The following ZNF429 variants were observed in gnomAD, a reference collection of about 807,000 sequenced individuals.
ZNF429 encodes the protein zinc finger protein 429.
ZNF429 carries 53 observed loss-of-function variants against 56.8 expected under a neutral mutation model. The ratio of observed to expected loss-of-function variants is 0.93; its 90% CI spans 0.75 to 1.17. ZNF429 has a LOEUF of 1.17. Among genes scored for constraint, ZNF429 ranks in the 50% most tolerant of loss-of-function variants. ZNF429 has a pLI of 0.00. For synonymous variants in ZNF429, 278 were observed against 264.7 expected, an observed-to-expected ratio of 1.05 and a Z score of -0.49; for missense variants, 849 against 788.4, an observed-to-expected ratio of 1.08 and a Z score of -0.92.
chr19:21,505,777 G>C lies in ZNF429; in HGVS notation c.3+3G>C, dbSNP rs201367777. 163 of 1,611,564 alleles carry C rather than the reference G, an allele frequency of 1.0e-4. No homozygotes were observed. In the African/African-American group the frequency reaches 2.1e-3, roughly 21 times the overall value. On this transcript the variant is annotated splice_donor_region_variant and intron_variant, in intron 1 of 3. Coordinates refer to ENST00000358491, the MANE Select transcript of ZNF429 (RefSeq NM_001001415.4). ...GACCCCCTGGAAGCCTAGAAATGGT[G>C]AGAGTGCCGAGTCTGACATCCCCAG...
intron 1 of ZNF429, among the ~76,000 whole-genome samples, chr19:21,526,262 T>C (rs1048338717): frequency 6.6e-6 from 1 of 152,122 alleles, no homozygotes; most frequent in Non-Finnish European, 1.5e-5. Context: ...ATTTGTGAGA[T>C]TTTCGTGCAC....
At chr19:21,512,825 G>A (rs2032563589) in intron 1 of ZNF429, among the ~76,000 whole-genome samples, 3 of 151,946 alleles carry the variant, frequency 2.0e-5, no homozygotes, top group Admixed American at 2.0e-4. Context: ...AATGTGCAGA[G>A]TCTATGTCTG....
chr19:21,529,972 T>A, intron 2 of ZNF429, among the ~76,000 whole-genome samples, 188 bp downstream of exon 2: 1 of 151,848 alleles, frequency 6.6e-6, no homozygotes, highest in Non-Finnish European at 1.5e-5. Context: ...CCAAGGCGGG[T>A]GGATCACGAG....
intron 1 of ZNF429, among the ~76,000 whole-genome samples, chr19:21,526,266 C>T (rs572270706): frequency 6.6e-6 from 1 of 151,738 alleles, no homozygotes; most frequent in East Asian, 1.9e-4. Context: ...GTGAGATTTT[C>T]GTGCACCCAT....
rs1469176808 is a variant in ZNF429, at chr19:21,539,375, CTT to C, written c.*1300_*1301del. Among the ~76,000 whole-genome samples the C allele has an allele frequency of 6.6e-6, 1 of 152,000 alleles. No individual in the cohort carries two copies. Among genetic ancestry groups the C allele is most frequent in the Admixed American group, 6.5e-5 (1 of 15,268 alleles). On this transcript the variant is annotated 3_prime_UTR_variant, in exon 4 of 4. Coordinates refer to ENST00000358491, the MANE Select transcript of ZNF429 (RefSeq NM_001001415.4). ...AAGTTGTTAAATTATTTGTATATAA[CTT>C]TTAAAAGAGTGGAAGATATTTTGCA...
Position 21,536,711 on chromosome 19 carries a change from A to G in ZNF429, c.658A>G (p.Lys220Glu), listed in dbSNP as rs1388559489. ...TCAGTCCTCAGCCCTTACTAACCAT[A>G]AGAGAATTTATGTTGGTGAGAAACA... ...FNQSSALTNH[K>E]RIYVGEKHYR... is the part of the protein sequence containing the mutation. Residue 220 changes from lysine to glutamate, a missense_variant, in exon 4 of 4, where the codon AAG becomes GAG. Physicochemically the swap from Lys to Glu is moderately conservative, Grantham distance 56. Transcript: ENST00000358491. 1 of 1,614,066 alleles carries G rather than the reference A, an allele frequency of 6.2e-7. No homozygotes were observed. Among genetic ancestry groups the G allele is most frequent in the African/African-American group, 1.3e-5 (1 of 75,062 alleles).
intron 1 of ZNF429, among the ~76,000 whole-genome samples, chr19:21,511,228 C>A (rs1037277683): frequency 2.6e-5 from 4 of 151,778 alleles, no homozygotes; most frequent in Non-Finnish European, 5.9e-5. Context: ...CACCTCCCTC[C>A]CGGACGGGGC....
intron 1 of ZNF429, among the ~76,000 whole-genome samples, chr19:21,518,321 C>A (rs1325184203): frequency 2.0e-5 from 3 of 152,154 alleles, no homozygotes; most frequent in Non-Finnish European, 2.9e-5. Flanking sequence ...AAATTGAGAT[C>A]TTTCTACCTT....
chr19:21,528,060 C>G (rs1283146790), intron 1 of ZNF429, among the ~76,000 whole-genome samples: 1 of 152,050 alleles, frequency 6.6e-6, no homozygotes, highest in African/African-American at 2.4e-5. Context: ...CATACCAGAT[C>G]TTTCTCTACA....
rs927913869 is a variant in ZNF429, at chr19:21,540,392, A to AT, written c.*2321dup. ...TATTTATCCTTTTTTTGATATTTAAATTTTTTTCTTATTTTTTTGTGGGTA... is the reference window on the plus strand; with the variant it reads ...TATTTATCCTTTTTTTGATATTTAAATTTTTTTTCTTATTTTTTTGTGGGTA... On this transcript the variant is annotated 3_prime_UTR_variant, in exon 4 of 4. Coordinates refer to ENST00000358491, the MANE Select transcript of ZNF429 (RefSeq NM_001001415.4). 8.6e-5 allele frequency among the ~76,000 whole-genome samples: 13 copies of AT among 151,978 alleles called. No individual in the cohort carries two copies. The highest frequency in any genetic ancestry group is 1.5e-4 in the Non-Finnish European group (10 of 67,922).
intron 1 of ZNF429, among the ~76,000 whole-genome samples, chr19:21,513,474 A>G (rs2032597405): frequency 6.6e-6 from 1 of 152,280 alleles, no homozygotes; most frequent in South Asian, 2.1e-4. Context: ...AGATGGGCCC[A>G]TGGGGTTTGT....
intron 1 of ZNF429, among the ~76,000 whole-genome samples, chr19:21,508,934 C>T (rs1030438360): frequency 1.3e-5 from 2 of 152,016 alleles, no homozygotes; most frequent in Non-Finnish European, 2.9e-5. Flanking sequence ...ATCCTGTTAT[C>T]TTTATTTCAG....
Position 21,536,988 on chromosome 19 carries a change from C to A in ZNF429, c.935C>A (p.Pro312His). 8.1e-6 allele frequency: 13 copies of A among 1,613,802 alleles called. No homozygotes were observed. Among genetic ancestry groups the A allele is most frequent in the Non-Finnish European group, 1.1e-5 (13 of 1,179,928 alleles). Reference sequence around the variant, plus strand: ...AAGATAATTCATACTGAAGAGAAACCCTACAAATGTAAAGAATGTGGCAAA... The same window carrying A: ...AAGATAATTCATACTGAAGAGAAACACTACAAATGTAAAGAATGTGGCAAA... ...KHKIIHTEEK[P>H]YKCKECGKAF... Residue 312 changes from proline to histidine, a missense_variant, in exon 4 of 4, where the codon CCC becomes CAC. Physicochemically the swap from Pro to His is moderately conservative, Grantham distance 77. Transcript: ENST00000358491.
At position 21,525,633 on chromosome 19, in the gene ZNF429, G is replaced by C. The variant is rs552707318; in HGVS notation, c.4-4025G>C. 1.6e-4 allele frequency among the ~76,000 whole-genome samples: 22 copies of C among 134,202 alleles called. No homozygotes were observed. The East Asian group carries it at 4.6e-3, about 28-fold the overall frequency. The allele number at this position is 134,202 out of a possible 152,430, so 88.0% of individuals were successfully genotyped here. A position where few individuals can be genotyped will look rare whatever the true frequency, so the allele number is the denominator to read the frequency against. On this transcript the variant is annotated intron_variant, in intron 1 of 3. Coordinates refer to ENST00000358491, the MANE Select transcript of ZNF429 (RefSeq NM_001001415.4). ...CAAAAGCAGATAAGTGGAAAAATAC[G>C]TATTTTTAATTTTTTATTAAAATCA...
chr19:21,514,163 C>G (rs184754950), intron 1 of ZNF429, among the ~76,000 whole-genome samples: 3 of 152,190 alleles, frequency 2.0e-5, no homozygotes, highest in Non-Finnish European at 4.4e-5. Flanking sequence ...CTACATAGTA[C>G]TCTCCCCCAA....
rs76269165 is a variant in ZNF429, at chr19:21,514,078, G to A, written c.3+8304G>A. On this transcript the variant is annotated intron_variant, in intron 1 of 3. Coordinates refer to ENST00000358491, the MANE Select transcript of ZNF429 (RefSeq NM_001001415.4). ...GGGCCACCTGTTTGTAATCTCATCT[G>A]CCTCCATGGACCTAGAAATAAATCA... is the stretch of plus-strand genomic sequence containing the variant. 6.5e-3 allele frequency among the ~76,000 whole-genome samples: 988 copies of A among 152,244 alleles called. 8 individuals are homozygous for A. Among genetic ancestry groups the A allele is most frequent in the African/African-American group, 0.023 (957 of 41,536 alleles).
At chr19:21,532,246 GT>G in intron 3 of ZNF429, among the ~76,000 whole-genome samples, 108,210 of 150,526 alleles carry the variant, frequency 0.72, 38,996 homozygotes, top group South Asian at 0.8. Context: ...AAATTTCAGT[GT>G]TTTTTTTTTC....
intron 1 of ZNF429, among the ~76,000 whole-genome samples, chr19:21,507,220 C>T (rs961993904): frequency 1.3e-5 from 2 of 152,128 alleles, no homozygotes; most frequent in Non-Finnish European, 2.9e-5. Context: ...TACTCCCACG[C>T]CCCCCATTCC....
At chr19:21,509,497 T>A (rs1310932992) in intron 1 of ZNF429, among the ~76,000 whole-genome samples, 2 of 152,220 alleles carry the variant, frequency 1.3e-5, no homozygotes, top group Admixed American at 1.3e-4. Context: ...AAATTAAAAC[T>A]TGAGCCCAGT....
Sources: allele counts gnomAD v4.1 joint callset (sites outside exome capture counted in the v4.1 genomes callset), GRCh38; gene constraint gnomAD v4.1.1; transcripts MANE v1.5; gene names NCBI Gene and HGNC (gene_info 2026-07-23, HGNC 2026-07-21).